The following KIFAP3 variants were observed in gnomAD, a reference collection of about 807,000 sequenced individuals.
KIFAP3 encodes kinesin associated protein 3.
In KIFAP3, 68 loss-of-function variants were observed where a neutral mutation model predicts 106.5. The observed-to-expected ratio is 0.64, with a 90% CI of 0.53 to 0.78. KIFAP3 has a LOEUF of 0.78. Among genes scored for constraint, KIFAP3 ranks in the 30% least tolerant of loss-of-function variants. KIFAP3 has a pLI of 0.00. For missense variants in KIFAP3, 780 were observed against 941.8 expected (o/e 0.83, Z 2.25); for synonymous variants, 320 against 311.5 (o/e 1.03, Z -0.29).
intron 1 of KIFAP3, among the ~76,000 whole-genome samples, chr1:170,056,899 G>A (rs185808155): frequency 2.8e-4 from 43 of 152,118 alleles, no homozygotes; most frequent in South Asian, 2.3e-3. Context: ...AGCAAAAATC[G>A]AGGAATTAGG....
chr1:170,008,479 C>G (rs1286771087), intron 10 of KIFAP3, among the ~76,000 whole-genome samples: 1 of 151,670 alleles, frequency 6.6e-6, no homozygotes, highest in African/African-American at 2.4e-5. Context: ...AGACACTTCT[C>G]AAAAGAAGAC....
At chr1:169,983,966 CTT>C (rs1276278043) in intron 12 of KIFAP3, among the ~76,000 whole-genome samples, 2 of 150,802 alleles carry the variant, frequency 1.3e-5, no homozygotes, top group East Asian at 4.1e-4. Context: ...TATAAAAACA[CTT>C]AATCACATAA....
At chr1:170,079,085 C>T (rs1196963165), upstream of KIFAP3, among the ~76,000 whole-genome samples, 1 of 152,208 alleles carries the variant, frequency 6.6e-6, no homozygotes, top group Non-Finnish European at 1.5e-5. Context: ...ATGTTGGAGA[C>T]AGGGCCTAAT....
At chr1:170,072,931 T>C (rs1338865656) in intron 1 of KIFAP3, among the ~76,000 whole-genome samples, 1 of 152,220 alleles carries the variant, frequency 6.6e-6, no homozygotes, top group African/African-American at 2.4e-5. Context: ...AAACATTACA[T>C]TGACTGGCTT....
intron 9 of KIFAP3, among the ~76,000 whole-genome samples, chr1:170,021,340 G>A (rs1668804460): frequency 6.6e-6 from 1 of 150,452 alleles, no homozygotes; most frequent in Non-Finnish European, 1.5e-5. Flanking sequence ...ATTATATCAG[G>A]TAGTATTTTC....
intron 1 of KIFAP3, among the ~76,000 whole-genome samples, chr1:170,079,953 C>T (rs11579254): frequency 0.11 from 15,903 of 151,360 alleles, 989 homozygotes; most frequent in Admixed American, 0.18. Context: ...ATTATCCCTA[C>T]GTATTTATTG....
chr1:169,921,708 C>T lies in KIFAP3; in HGVS notation c.2347G>A (p.Asp783Asn). 1 of 1,613,734 alleles carries T rather than the reference C, an allele frequency of 6.2e-7. No homozygotes were observed. The highest frequency in any genetic ancestry group is 8.5e-7 in the Non-Finnish European group (1 of 1,179,734). The change falls in exon 20 of 20, where the codon GAT (aspartate) becomes AAT (asparagine). Residue 783 changes from aspartate (D) to asparagine (N), a missense_variant. Physicochemically the swap from Asp to Asn is conservative, Grantham distance 23. Transcript: ENST00000361580. ...RPATAYGFRP[D>N]EPYYYGYGS ...CCATAGCCATAGTAGTAAGGTTCAT[C>T]AGGGCGGAATCCATATGCTGTGGCA... is the stretch of plus-strand genomic sequence containing the variant.
At chr1:170,038,569 G>A (rs1029909577) in intron 4 of KIFAP3, 138 bp from the exon 5 acceptor site, 19 of 837,952 alleles carry the variant, frequency 2.3e-5, no homozygotes, top group Admixed American at 1.1e-4. Flanking sequence ...CCATCTTTTT[G>A]GATATGGAAA....
At chr1:169,941,149 C>T (rs1290682289) in intron 19 of KIFAP3, among the ~76,000 whole-genome samples, 1 of 152,076 alleles carries the variant, frequency 6.6e-6, no homozygotes, top group African/African-American at 2.4e-5. Flanking sequence ...TATTATGTTA[C>T]AATTTAAGTA....
intron 6 of KIFAP3, among the ~76,000 whole-genome samples, chr1:170,034,774 TAG>T (rs1669592297): frequency 6.6e-6 from 1 of 151,920 alleles, no homozygotes; most frequent in African/African-American, 2.4e-5. Context: ...ATATTCAGAA[TAG>T]ATTTTTAGAT....
At chr1:169,925,299 G>T (rs1388316760) in intron 19 of KIFAP3, among the ~76,000 whole-genome samples, 2 of 151,746 alleles carry the variant, frequency 1.3e-5, no homozygotes, top group Admixed American at 1.3e-4. Flanking sequence ...CATAATTCTG[G>T]TCCAAAGAAA....
chr1:170,048,152 A>C (rs1039463772), intron 2 of KIFAP3, among the ~76,000 whole-genome samples: 1 of 152,190 alleles, frequency 6.6e-6, no homozygotes, highest in African/African-American at 2.4e-5. Flanking sequence ...CTATATATTC[A>C]ACCCCAAATC....
At chr1:169,931,755 C>G (rs1054084958) in intron 19 of KIFAP3, among the ~76,000 whole-genome samples, 1 of 152,136 alleles carries the variant, frequency 6.6e-6, no homozygotes, top group Non-Finnish European at 1.5e-5. Flanking sequence ...AAAATTACTG[C>G]TATAGGTTTA....
At chr1:170,050,356 C>A (rs1670507284) in intron 2 of KIFAP3, among the ~76,000 whole-genome samples, 1 of 152,068 alleles carries the variant, frequency 6.6e-6, no homozygotes, top group African/African-American at 2.4e-5. Flanking sequence ...AAAGATCAAA[C>A]CTATGATTGA....
chr1:170,011,670 C>A (rs12124907), intron 10 of KIFAP3, among the ~76,000 whole-genome samples: 10,833 of 151,912 alleles, frequency 0.071, 432 homozygotes, highest in Non-Finnish European at 0.095. Context: ...TGAGGTAAAA[C>A]AAGTGTGAAA....
At chr1:169,931,635 C>A (rs1458495106) in intron 19 of KIFAP3, among the ~76,000 whole-genome samples, 1 of 152,186 alleles carries the variant, frequency 6.6e-6, no homozygotes, top group Non-Finnish European at 1.5e-5. Context: ...GCTTAAATAA[C>A]CCCTAGGTCA....
intron 2 of KIFAP3, among the ~76,000 whole-genome samples, chr1:170,053,019 AG>A: frequency 6.6e-6 from 1 of 152,348 alleles, no homozygotes; most frequent in South Asian, 2.1e-4. Flanking sequence ...AAAGAAGTAA[AG>A]GGTATTCAAA....
intron 8 of KIFAP3, among the ~76,000 whole-genome samples, chr1:170,029,971 A>G (rs1437758584): frequency 1.3e-5 from 2 of 151,978 alleles, no homozygotes; most frequent in Non-Finnish European, 2.9e-5. Context: ...ATATACAAAA[A>G]TTAACTCAAA....
At chr1:170,000,448 CA>C (rs2101958019) in intron 10 of KIFAP3, among the ~76,000 whole-genome samples, 1 of 152,194 alleles carries the variant, frequency 6.6e-6, no homozygotes, top group African/African-American at 2.4e-5. Flanking sequence ...TCAAAATTTG[CA>C]GGTGTCTTTA....
Sources: allele counts gnomAD v4.1 joint callset (sites outside exome capture counted in the v4.1 genomes callset), GRCh38; gene constraint gnomAD v4.1.1; transcripts MANE v1.5; gene names NCBI Gene and HGNC (gene_info 2026-07-23, HGNC 2026-07-21).